The following MDN1 variants were observed in gnomAD, a reference collection of about 807,000 sequenced individuals.
The protein encoded by MDN1 is midasin AAA ATPase 1.
Under a neutral mutation model 669.2 loss-of-function variants are expected in MDN1, and 266 were observed. That is an observed-to-expected ratio of 0.40 (90% CI 0.36 to 0.44). The LOEUF (loss-of-function observed/expected upper bound fraction) is 0.44. Ranked by LOEUF, MDN1 falls within the 20% of genes least tolerant of loss-of-function variation. The probability of loss-of-function intolerance (pLI) is 1.00; values close to 1 mark genes in which losing one functional copy is unlikely to be tolerated. For synonymous variants in MDN1, 2,385 were observed against 2,457.1 expected, an observed-to-expected ratio of 0.97 and a Z score of 0.87; for missense variants, 5,940 against 6,754.0, an observed-to-expected ratio of 0.88 and a Z score of 4.22.
chr6:89,698,364 T>A (rs1812913528), intron 59 of MDN1, among the ~76,000 whole-genome samples: 1 of 152,186 alleles, frequency 6.6e-6, no homozygotes, highest in Admixed American at 6.5e-5. Flanking sequence ...TGCAAGAAAC[T>A]TCAACACTTT....
chr6:89,815,108 T>C (rs912745604), intron 1 of MDN1: 7 of 420,056 alleles, frequency 1.7e-5, no homozygotes, highest in African/African-American at 1.2e-4. Flanking sequence ...GATTCAGCTG[T>C]ATGGAGCTGC....
At chr6:89,784,346 T>C (rs1459271295) in intron 9 of MDN1, among the ~76,000 whole-genome samples, 4 of 151,968 alleles carry the variant, frequency 2.6e-5, no homozygotes, top group African/African-American at 7.3e-5. Context: ...AAATAAAAGA[T>C]TGAAGTTTGT....
intron 86 of MDN1, 123 bp downstream of exon 86, chr6:89,662,669 G>C: frequency 1.7e-6 from 2 of 1,148,858 alleles, no homozygotes; most frequent in South Asian, 3.3e-5. Context: ...AGAAAAAGAG[G>C]AATAGAAAAA....
chr6:89,752,863 G>A (rs922787931), intron 22 of MDN1, among the ~76,000 whole-genome samples: 1 of 152,140 alleles, frequency 6.6e-6, no homozygotes, highest in Non-Finnish European at 1.5e-5. Flanking sequence ...GGTGACTCAC[G>A]CCTGTAATCC....
At position 89,718,809 on chromosome 6, in the gene MDN1, G is replaced by C; in HGVS notation, c.6279C>G (p.Asn2093Lys). ...GCAGCTCAGTAGTATCCATTGCACT[G>C]TTCATAGCCATGATCTTTAATGTGT... The part of the protein sequence containing the change: ...TGHTLKIMAM[N>K]SAMDTTELLG... Residue 2093 changes from asparagine to lysine, a missense_variant, in exon 42 of 102, where the codon AAC (asparagine) becomes AAG (lysine). Transcript: ENST00000369393. The C allele has an allele frequency of 1.9e-6, 3 of 1,614,212 alleles. No individual in the cohort carries two copies. The highest frequency in any genetic ancestry group is 2.2e-5 in the South Asian group (2 of 91,092).
chr6:89,678,745 C>G lies in MDN1; in HGVS notation c.12266G>C (p.Gly4089Ala), dbSNP rs952483563. The change falls in exon 75 of 102, where the codon GGT (glycine) becomes GCT (alanine). Residue 4089 changes from glycine to alanine, a missense_variant and splice_region_variant. Gly to Ala is a moderately conservative substitution (Grantham distance 60). This residue lies in a region of MDN1 where 2,280 missense variants were observed against 2,576.3 expected (regional missense o/e 0.88). Coordinates refer to ENST00000369393, the MANE Select transcript of MDN1 (RefSeq NM_014611.3). ...RLVEGLDQFTGEVISSVSELQ... is the reference protein window; with the variant it reads ...RLVEGLDQFTAEVISSVSELQ... ...CTCACTCACAGAGGAAATCACTTCACCTGTAAGGGAAAACAAGGCGGGGAG... is the reference window on the plus strand; with the variant it reads ...CTCACTCACAGAGGAAATCACTTCAGCTGTAAGGGAAAACAAGGCGGGGAG... 14 of 1,608,682 alleles carry G rather than the reference C, an allele frequency of 8.7e-6. No homozygotes were observed. The highest frequency in any genetic ancestry group is 1.3e-5 in the African/African-American group (1 of 74,808).
intron 13 of MDN1, among the ~76,000 whole-genome samples, chr6:89,773,740 G>A (rs1818222652): frequency 6.6e-6 from 1 of 151,704 alleles, no homozygotes; most frequent in African/African-American, 2.4e-5. Context: ...CAAGGCAGGT[G>A]GATCACCTGA....
At chr6:89,811,692 C>A (rs1768430092) in intron 1 of MDN1, among the ~76,000 whole-genome samples, 1 of 152,090 alleles carries the variant, frequency 6.6e-6, no homozygotes. Context: ...GATCTGCCCA[C>A]CTCAGCCTCC....
chr6:89,693,383 C>G lies in MDN1; in HGVS notation c.9882-235G>C, dbSNP rs189951976. 2.0e-3 allele frequency among the ~76,000 whole-genome samples: 298 copies of G among 152,298 alleles called. 1 individual carries two copies. The highest frequency in any genetic ancestry group is 4.8e-3 in the Admixed American group (73 of 15,294). ...TGCTCAGATGCATATCTTACTGAAG[C>G]CTCATCATGACTCACTGGAGTAGAT... On this transcript the variant is annotated intron_variant, in intron 62 of 101. Transcript: ENST00000369393.
intron 27 of MDN1, among the ~76,000 whole-genome samples, chr6:89,745,866 G>T (rs146847868): frequency 9.2e-5 from 14 of 152,310 alleles, no homozygotes; most frequent in African/African-American, 3.4e-4. Context: ...AAGCAGGAAT[G>T]TTCAGAGAAG....
intron 2 of MDN1, 80 bp from the exon 3 acceptor site, chr6:89,794,881 G>T: frequency 2.6e-6 from 3 of 1,142,386 alleles, no homozygotes; most frequent in Non-Finnish European, 2.6e-6. Flanking sequence ...AGGTTTATCA[G>T]AGTATTAAAT....
chr6:89,665,268 T>C (rs1158452026), intron 84 of MDN1, among the ~76,000 whole-genome samples: 1 of 152,094 alleles, frequency 6.6e-6, no homozygotes, highest in Non-Finnish European at 1.5e-5. Flanking sequence ...CACAAGCAAT[T>C]CTCCTGCCTC....
At position 89,673,351 on chromosome 6, in the gene MDN1, T is replaced by C; in HGVS notation, c.13359A>G (p.Arg4453=). 6.2e-7 allele frequency: 1 copy of C among 1,614,190 alleles called. No homozygotes were observed. Among genetic ancestry groups the C allele is most frequent in the Non-Finnish European group, 8.5e-7 (1 of 1,180,020 alleles). Residue 4453 remains arginine (R), a synonymous_variant, in exon 80 of 102, where the codon AGA becomes AGG. Transcript: ENST00000369393. The part of the protein sequence containing the change: ...FILPGMEVEQ[R]DSQMALVESL... ...TTTCAACTAGTGCCATTTGTGAGTC[T>C]CTTTGCTCAACCTCCATCCCTGGAA... is the stretch of plus-strand genomic sequence containing the variant.
chr6:89,735,835 C>A (rs910767800), intron 33 of MDN1, among the ~76,000 whole-genome samples: 6 of 152,144 alleles, frequency 3.9e-5, no homozygotes, highest in African/African-American at 1.4e-4. Context: ...TCCTTGCCAA[C>A]ATGGTGAAAC....
intron 14 of MDN1, 116 bp downstream of exon 14, chr6:89,772,457 G>A: frequency 9.1e-6 from 10 of 1,095,874 alleles, no homozygotes; most frequent in South Asian, 5.3e-5. Context: ...GAGATTACAT[G>A]TGGGGTGCTG....
Position 89,674,208 on chromosome 6 carries a change from T to C in MDN1, c.13143A>G (p.Gln4381=), listed in dbSNP as rs751723996. ...TCTCTGTTAATCTCGTAGTTGACTG[T>C]TGCCAAAGGTGATCCTGTTTCCGCA... ...CRMRKQDHLW[Q]QSTTRLTEML... Residue 4381 remains glutamine, a synonymous_variant, in exon 79 of 102, where the codon CAA becomes CAG. Coordinates refer to ENST00000369393, the MANE Select transcript of MDN1 (RefSeq NM_014611.3). 2.5e-6 allele frequency: 4 copies of C among 1,614,240 alleles called. No individual in the cohort carries two copies. In the South Asian group the frequency reaches 4.4e-5, roughly 18 times the overall value.
intron 37 of MDN1, among the ~76,000 whole-genome samples, chr6:89,727,481 G>A (rs1043688273): frequency 4.0e-5 from 6 of 151,874 alleles, no homozygotes; most frequent in South Asian, 2.1e-4. Context: ...TAGTCTCTCC[G>A]GTGCACTAAT....
Position 89,762,523 on chromosome 6 carries a change from G to A in MDN1, c.2152C>T (p.Pro718Ser), listed in dbSNP as rs1190564726. The part of the protein sequence containing the change: ...DTADLLGGYK[P>S]VDHKLIWLPL... The stretch of plus-strand genomic sequence containing the variant: ...AGCCAAATAAGCTTATGGTCCACCG[G>A]TTTATAACTGAAACAGACACAGGTA... Residue 718 changes from proline to serine, a missense_variant, in exon 16 of 102, where the codon CCG becomes TCG. Physicochemically the swap from Pro to Ser is moderately conservative, Grantham distance 74. Coordinates refer to ENST00000369393, the MANE Select transcript of MDN1 (RefSeq NM_014611.3). 3 of 1,609,196 alleles carry A rather than the reference G, an allele frequency of 1.9e-6. No homozygotes were observed. The highest frequency in any genetic ancestry group is 2.5e-6 in the Non-Finnish European group (3 of 1,176,852).
chr6:89,738,321 C>T lies in MDN1; in HGVS notation c.4723+5G>A. On this transcript the variant is annotated splice_donor_5th_base_variant and intron_variant, in intron 33 of 101. Coordinates refer to ENST00000369393, the MANE Select transcript of MDN1 (RefSeq NM_014611.3). ...ATACTACCATCACCACCTGCAAACTCTCACCTTTAGGATCTATTCTGCCCA... is the reference window on the plus strand; with the variant it reads ...ATACTACCATCACCACCTGCAAACTTTCACCTTTAGGATCTATTCTGCCCA... 3 of 1,613,488 alleles carry T rather than the reference C, an allele frequency of 1.9e-6. No homozygotes were observed. The highest frequency in any genetic ancestry group is 1.7e-6 in the Non-Finnish European group (2 of 1,179,622).
Sources: allele counts gnomAD v4.1 joint callset (sites outside exome capture counted in the v4.1 genomes callset), GRCh38; gene constraint gnomAD v4.1.1; regional missense constraint gnomAD v4.1.1; transcripts MANE v1.5; gene names NCBI Gene and HGNC (gene_info 2026-07-23, HGNC 2026-07-21).